Variants in SEMA5A observed in about 807,000 individuals in gnomAD.
The protein encoded by SEMA5A is semaphorin-5A.
SEMA5A carries 55 observed loss-of-function variants against 135.5 expected under a neutral mutation model. The observed-to-expected ratio is 0.41, with a 90% CI of 0.33 to 0.51. The LOEUF is 0.51. Ranked by LOEUF, SEMA5A falls within the 20% of genes least tolerant of loss-of-function variation. SEMA5A has a pLI of 0.37. For missense variants in SEMA5A, 1,290 were observed against 1,419.9 expected (o/e 0.91, Z 1.47); for synonymous variants, 580 against 546.5 (o/e 1.06, Z -0.85).
At chr5:9,445,633 C>T (rs1758406784) in intron 1 of SEMA5A, among the ~76,000 whole-genome samples, 1 of 152,084 alleles carries the variant, frequency 6.6e-6, no homozygotes, top group South Asian at 2.1e-4. Context: ...GGCACCACTG[C>T]ACTCCAGTCT....
intron 1 of SEMA5A, among the ~76,000 whole-genome samples, chr5:9,483,871 A>G (rs2126784896): frequency 6.6e-6 from 1 of 152,318 alleles, no homozygotes; most frequent in South Asian, 2.1e-4. Flanking sequence ...AGACAAATAA[A>G]AAGCCCACTA....
At chr5:9,229,984 GT>G (rs1747531778) in intron 6 of SEMA5A, among the ~76,000 whole-genome samples, 1 of 151,826 alleles carries the variant, frequency 6.6e-6, no homozygotes, top group African/African-American at 2.4e-5. Context: ...GCTTTCTTTT[GT>G]TTTTGTTTTT....
chr5:9,497,315 T>A (rs1735352795), intron 1 of SEMA5A, among the ~76,000 whole-genome samples: 1 of 152,228 alleles, frequency 6.6e-6, no homozygotes. Context: ...AGTATCTTTT[T>A]ATTTTTAAAA....
chr5:9,093,335 T>G (rs1340557637), intron 16 of SEMA5A, among the ~76,000 whole-genome samples: 1 of 152,230 alleles, frequency 6.6e-6, no homozygotes, highest in East Asian at 1.9e-4. Flanking sequence ...TTTTTTGAAT[T>G]ATTAACAGAG....
chr5:9,318,319 G>A, intron 5 of SEMA5A, 53 bp downstream of exon 5: 6 of 1,524,034 alleles, frequency 3.9e-6, no homozygotes, highest in Non-Finnish European at 5.4e-6. Context: ...CCCTCAAACA[G>A]TGAGTTAATT....
chr5:9,277,875 G>C (rs1043336066), intron 5 of SEMA5A, among the ~76,000 whole-genome samples: 3 of 152,022 alleles, frequency 2.0e-5, no homozygotes, highest in African/African-American at 7.2e-5. Flanking sequence ...AGGTTGATGG[G>C]TGCAGCAAAC....
intron 2 of SEMA5A, among the ~76,000 whole-genome samples, chr5:9,432,609 C>T (rs539879433): frequency 5.3e-5 from 8 of 152,284 alleles, no homozygotes; most frequent in South Asian, 4.1e-4. Context: ...TCCGATCTGT[C>T]CACGGTCAGG....
chr5:9,211,537 A>C (rs10053747), intron 8 of SEMA5A, among the ~76,000 whole-genome samples: 1 of 152,084 alleles, frequency 6.6e-6, no homozygotes, highest in African/African-American at 2.4e-5. Context: ...ACAGGCTCTC[A>C]CTGTCCCCAG....
chr5:9,110,970 G>T (rs1333662945), intron 15 of SEMA5A, among the ~76,000 whole-genome samples: 1 of 152,154 alleles, frequency 6.6e-6, no homozygotes, highest in African/African-American at 2.4e-5. Context: ...GAATACAACA[G>T]ATGAAAAGAA....
rs776955303 is a variant in SEMA5A at position 9,066,596 on chromosome 5, C to A, written c.2124G>T (p.Thr708=). ...TGACAGGTGTCCAGGGTGTCCAGGGCGTGGTCTTCTTCAGCTCAGGACACG... is the reference window on the plus strand; with the variant it reads ...TGACAGGTGTCCAGGGTGTCCAGGGAGTGGTCTTCTTCAGCTCAGGACACG... The part of the protein sequence containing the change: ...TNPCPELKKT[T]PWTPWTPVNI... Residue 708 remains threonine (T), a synonymous_variant, in exon 17 of 23, where the codon ACG becomes ACT. Coordinates refer to ENST00000382496, the MANE Select transcript of SEMA5A (RefSeq NM_003966.3). 3 of 1,614,148 alleles carry A rather than the reference C, an allele frequency of 1.9e-6. No individual in the cohort carries two copies. The highest frequency in any genetic ancestry group is 4.5e-5 in the East Asian group (2 of 44,884).
intron 1 of SEMA5A, among the ~76,000 whole-genome samples, chr5:9,457,038 C>T (rs1758864469): frequency 6.6e-6 from 1 of 152,192 alleles, no homozygotes; most frequent in African/African-American, 2.4e-5. Flanking sequence ...ATACCCCCTA[C>T]ACATTCTAGA....
At chr5:9,388,637 C>A (rs962789157) in intron 2 of SEMA5A, among the ~76,000 whole-genome samples, 1 of 152,146 alleles carries the variant, frequency 6.6e-6, no homozygotes, top group Non-Finnish European at 1.5e-5. Context: ...TGGTGGCTCA[C>A]GCCTGTAATC....
chr5:9,425,760 TAA>T (rs1045832040), intron 2 of SEMA5A, among the ~76,000 whole-genome samples: 5 of 152,306 alleles, frequency 3.3e-5, no homozygotes, highest in Middle Eastern at 3.4e-3. Flanking sequence ...CAATAAATTG[TAA>T]AATAGGTGGG....
At chr5:9,237,635 A>G in intron 6 of SEMA5A, 193 bp downstream of exon 6, 2 of 413,176 alleles carry the variant, frequency 4.8e-6, no homozygotes, top group Non-Finnish European at 8.6e-6. Context: ...CCTTTTTGGA[A>G]ATGATTGATT....
At position 9,183,972 on chromosome 5, in the gene SEMA5A, G is replaced by T. The variant is rs192211435; in HGVS notation, c.1273+6295C>A. Among the ~76,000 whole-genome samples the T allele has an allele frequency of 4.6e-5, 7 of 152,214 alleles. No homozygotes were observed. In the East Asian group the frequency reaches 1.4e-3, roughly 29 times the overall value. ...GTATATATTGTTCTACTTGAAATCT[G>T]GTATTGAGTGTTCCCCTATTTTGGT... On this transcript the variant is annotated intron_variant, in intron 11 of 22. Coordinates refer to ENST00000382496, the MANE Select transcript of SEMA5A (RefSeq NM_003966.3).
rs1221908734 is a variant in SEMA5A, at chr5:9,041,060, A to G, written c.*1837T>C. On this transcript the variant is annotated 3_prime_UTR_variant, in exon 23 of 23. Coordinates refer to ENST00000382496, the MANE Select transcript of SEMA5A (RefSeq NM_003966.3). The stretch of plus-strand genomic sequence containing the variant: ...ATATGAGGAATGAGTGAGAGGCAAC[A>G]TGAAGTCCCCACTGCAAAGACCCTG... The G allele has an allele frequency of 6.6e-6, 1 of 152,208 alleles. No homozygotes were observed. Among genetic ancestry groups the G allele is most frequent in the African/African-American group, 2.4e-5 (1 of 41,446 alleles). The allele number at this position is 152,208 out of a possible 1,614,324, so 9.4% of individuals were successfully genotyped here.
rs138255857 is a variant in SEMA5A at position 9,193,621 on chromosome 5, C to T, written c.1069-3150G>A. ...CTTGCTGCAAACATGCTTGGCAGGC[C>T]GGGGGCGGTGGCTCACATCTGTAAT... On this transcript the variant is annotated intron_variant, in intron 10 of 22. Transcript: ENST00000382496. Among the ~76,000 whole-genome samples, 699 of 152,168 alleles carry T rather than the reference C, an allele frequency of 4.6e-3. 4 individuals are homozygous for T. The highest frequency in any genetic ancestry group is 0.015 in the African/African-American group (632 of 41,492).
chr5:9,206,334 T>C (rs935288709), intron 8 of SEMA5A, among the ~76,000 whole-genome samples: 3 of 152,162 alleles, frequency 2.0e-5, no homozygotes, highest in Non-Finnish European at 4.4e-5. Context: ...AAATATATCA[T>C]GTTAATAAGA....
intron 11 of SEMA5A, among the ~76,000 whole-genome samples, chr5:9,160,227 A>G (rs756954022): frequency 5.2e-4 from 79 of 152,118 alleles, no homozygotes; most frequent in Non-Finnish European, 9.1e-4. Flanking sequence ...CCTCCATTGG[A>G]AGACTTTGTC....
Sources: allele counts gnomAD v4.1 joint callset (sites outside exome capture counted in the v4.1 genomes callset), GRCh38; gene constraint gnomAD v4.1.1; transcripts MANE v1.5; gene names NCBI Gene and HGNC (gene_info 2026-07-23, HGNC 2026-07-21).